TENM3: variants seen among roughly 807,000 people sequenced by gnomAD.
TENM3 encodes the protein teneurin transmembrane protein 3.
Under a neutral mutation model 255.1 loss-of-function variants are expected in TENM3, and 63 were observed. The observed-to-expected ratio is 0.25, with a 90% CI of 0.20 to 0.30. The LOEUF is 0.30. Among genes scored for constraint, TENM3 ranks in the 10% least tolerant of loss-of-function variants. TENM3 has a pLI of 1.00. For missense variants in TENM3, 2,929 were observed against 3,461.1 expected (o/e 0.85, Z 3.86); for synonymous variants, 1,306 against 1,322.3 (o/e 0.99, Z 0.27).
intron 3 of TENM3, among the ~76,000 whole-genome samples, chr4:182,591,526 C>T (rs1258906199): frequency 6.6e-6 from 1 of 152,132 alleles, no homozygotes; most frequent in Non-Finnish European, 1.5e-5. Flanking sequence ...ATAGTGTTTA[C>T]TTATATTGCA....
the TENM3 span, among the ~76,000 whole-genome samples, chr4:182,006,708 T>A: frequency 3.3e-5 from 5 of 152,156 alleles, no homozygotes; most frequent in Non-Finnish European, 7.4e-5. Flanking sequence ...TTTTGAAGGT[T>A]TTTTTCGTGT....
At chr4:182,190,905 T>TA (rs1331190758) in intron 1 of TENM3, among the ~76,000 whole-genome samples, 1 of 152,180 alleles carries the variant, frequency 6.6e-6, no homozygotes, top group Non-Finnish European at 1.5e-5. Context: ...ATATCCCTGA[T>TA]ATTGGTATAG....
the TENM3 span, among the ~76,000 whole-genome samples, chr4:181,590,872 A>C: frequency 7.2e-5 from 11 of 152,242 alleles, no homozygotes; most frequent in African/African-American, 2.2e-4. Flanking sequence ...ATTATGAAGA[A>C]ATAGTTTTAC....
the TENM3 span, among the ~76,000 whole-genome samples, chr4:182,081,583 CAAAAAAAAAAA>C: frequency 3.4e-5 from 3 of 87,534 alleles, no homozygotes; most frequent in African/African-American, 1.4e-4. Flanking sequence ...GGCTCTGCCT[CAAAAAAAAAAA>C]AAAAAAAAAA....
In TENM3 at chr4:182,601,063, C is replaced by T. The variant is rs1747798281; in HGVS notation, c.651C>T (p.Ala217=). The change falls in exon 4 of 28, where the codon GCC becomes GCT. Residue 217 remains alanine, a synonymous_variant. Coordinates refer to ENST00000511685, the MANE Select transcript of TENM3 (RefSeq NM_001080477.4). The part of the protein sequence containing the change: ...SLTNRRNQSP[A]PPAALPAELQ... The stretch of plus-strand genomic sequence containing the variant: ...CCAATAGAAGGAACCAGAGTCCGGC[C>T]CCGCCGGCTGCTTTGCCCGCCGAGC... 1.2e-6 allele frequency: 2 copies of T among 1,613,686 alleles called. No individual in the cohort carries two copies. The highest frequency in any genetic ancestry group is 1.3e-5 in the African/African-American group (1 of 74,858).
chr4:182,541,354 C>T (rs1235664901), intron 3 of TENM3, among the ~76,000 whole-genome samples: 2 of 152,178 alleles, frequency 1.3e-5, no homozygotes, highest in East Asian at 3.8e-4. Context: ...TCCTTCATTT[C>T]CTTAAAGCCT....
chr4:182,535,141 T>A (rs1345875332), intron 3 of TENM3, among the ~76,000 whole-genome samples: 7 of 152,210 alleles, frequency 4.6e-5, no homozygotes, highest in Non-Finnish European at 1.0e-4. Flanking sequence ...ACAACCAAGC[T>A]GTACATTTTC....
At chr4:181,861,892 C>T in the TENM3 span, among the ~76,000 whole-genome samples, 4 of 152,164 alleles carry the variant, frequency 2.6e-5, no homozygotes, top group Admixed American at 1.3e-4. Context: ...GATAATTTCA[C>T]TGTCAGCAAG....
the TENM3 span, among the ~76,000 whole-genome samples, chr4:181,798,300 T>TTTTA: frequency 2.2e-4 from 34 of 151,916 alleles, no homozygotes; most frequent in Admixed American, 8.5e-4. Flanking sequence ...TTTCTTTATT[T>TTTTA]TTTATTTATT....
chr4:181,467,125 A>ATATTT, the TENM3 span, among the ~76,000 whole-genome samples: 1 of 17,620 alleles, frequency 5.7e-5, no homozygotes, highest in Non-Finnish European at 1.1e-4. Flanking sequence ...ATATATATAT[A>ATATTT]TTTTTTTTTT....
intron 22 of TENM3, among the ~76,000 whole-genome samples, chr4:182,761,947 A>G (rs1763236139): frequency 6.6e-6 from 1 of 152,232 alleles, no homozygotes. Flanking sequence ...ACTGCTGTAC[A>G]TTTCAAGCAT....
chr4:182,552,257 A>T (rs1560911745), intron 3 of TENM3, among the ~76,000 whole-genome samples: 1 of 152,114 alleles, frequency 6.6e-6, no homozygotes, highest in South Asian at 2.1e-4. Flanking sequence ...GCAACGTAGT[A>T]GATGCCCTCC....
chr4:181,521,973 C>T, the TENM3 span, among the ~76,000 whole-genome samples: 7 of 151,586 alleles, frequency 4.6e-5, no homozygotes, highest in African/African-American at 7.3e-5. Context: ...CGGTGGCGGG[C>T]GCCTGTAGTC....
chr4:181,781,045 T>C, the TENM3 span, among the ~76,000 whole-genome samples: 2 of 152,168 alleles, frequency 1.3e-5, no homozygotes, highest in African/African-American at 4.8e-5. Context: ...TAGTTTGAAG[T>C]CAGGTAGCAT....
the TENM3 span, among the ~76,000 whole-genome samples, chr4:182,023,557 C>A: frequency 1.3e-5 from 2 of 152,160 alleles, no homozygotes; most frequent in African/African-American, 4.8e-5. Context: ...TTCTGACCGA[C>A]CCCTCCTGGT....
chr4:181,621,459 A>G, the TENM3 span, among the ~76,000 whole-genome samples: 1 of 152,198 alleles, frequency 6.6e-6, no homozygotes, highest in African/African-American at 2.4e-5. Context: ...TAATGCTATA[A>G]TACAGAGAAC....
the TENM3 span, among the ~76,000 whole-genome samples, chr4:182,004,079 TTTTC>T: frequency 6.6e-6 from 1 of 152,108 alleles, no homozygotes; most frequent in African/African-American, 2.4e-5. Flanking sequence ...AAAAGTATTT[TTTTC>T]TTTATTTCTT....
intron 1 of TENM3, among the ~76,000 whole-genome samples, chr4:182,220,378 CAAAAAAAAA>C (rs60851113): frequency 2.6e-5 from 2 of 77,500 alleles, no homozygotes; most frequent in Middle Eastern, 0.01. Flanking sequence ...CTCTGTCTCA[CAAAAAAAAA>C]AAAAAAAAAA....
chr4:182,146,875 G>A (rs1370375500), intron 1 of TENM3, among the ~76,000 whole-genome samples: 6 of 152,086 alleles, frequency 3.9e-5, no homozygotes, highest in Non-Finnish European at 7.4e-5. Flanking sequence ...TATTTTGCAT[G>A]GCTGTGTTTA....
Sources: gnomAD v4.1 joint callset for allele counts (sites outside exome capture counted in the v4.1 genomes callset) on GRCh38, gnomAD v4.1.1 for gene constraint, MANE v1.5 for transcripts, NCBI Gene and HGNC (gene_info 2026-07-23, HGNC 2026-07-21) for gene names.